Variants in DLGAP1 observed in about 807,000 individuals in gnomAD.
DLGAP1 encodes the protein DLG associated protein 1, also known as disks large-associated protein 1.
In DLGAP1, 11 loss-of-function variants were observed where a neutral mutation model predicts 90.8. The observed-to-expected ratio is 0.12, with a 90% CI of 0.08 to 0.20. DLGAP1 has a LOEUF of 0.20. DLGAP1 is among the 10% of genes least tolerant of loss of function. The pLI is 1.00. For missense variants in DLGAP1, 1,050 were observed against 1,333.8 expected (o/e 0.79, Z 3.31); for synonymous variants, 558 against 540.7 (o/e 1.03, Z -0.44).
At chr18:3,819,325 G>A (rs911454510) in intron 4 of DLGAP1, among the ~76,000 whole-genome samples, 1 of 152,022 alleles carries the variant, frequency 6.6e-6, no homozygotes, top group African/African-American at 2.4e-5. Context: ...CATTTTTTGT[G>A]TCACTAAGAA....
At chr18:3,935,030 A>G (rs933222096) in intron 3 of DLGAP1, among the ~76,000 whole-genome samples, 2 of 152,246 alleles carry the variant, frequency 1.3e-5, no homozygotes, top group Admixed American at 1.3e-4. Context: ...CTGGAACAAA[A>G]TCATCCGCCT....
chr18:4,107,988 C>T (rs955661800), intron 2 of DLGAP1, among the ~76,000 whole-genome samples: 1 of 152,142 alleles, frequency 6.6e-6, no homozygotes, highest in African/African-American at 2.4e-5. Flanking sequence ...CCTAGGCATA[C>T]TGAGTAACTT....
intron 1 of DLGAP1, among the ~76,000 whole-genome samples, chr18:4,176,447 A>G (rs1284054354): frequency 6.6e-6 from 1 of 152,204 alleles, no homozygotes; most frequent in African/African-American, 2.4e-5. Context: ...TTAATGGACC[A>G]ACCATTCATA....
intron 2 of DLGAP1, among the ~76,000 whole-genome samples, chr18:4,077,391 T>G (rs1348301394): frequency 6.6e-6 from 1 of 152,122 alleles, no homozygotes; most frequent in Non-Finnish European, 1.5e-5. Flanking sequence ...CCACCAAACC[T>G]CCTACTGAAA....
At chr18:3,985,319 T>G (rs2073820134) in intron 3 of DLGAP1, among the ~76,000 whole-genome samples, 1 of 152,172 alleles carries the variant, frequency 6.6e-6, no homozygotes, top group Non-Finnish European at 1.5e-5. Flanking sequence ...ACTCAAATGC[T>G]CCAGGCCTGG....
intron 1 of DLGAP1, among the ~76,000 whole-genome samples, chr18:4,195,420 T>C (rs1272799180): frequency 1.3e-5 from 2 of 152,230 alleles, no homozygotes; most frequent in African/African-American, 4.8e-5. Context: ...TGTCTGGTTC[T>C]AGTCAGCCCC....
At chr18:4,439,996 TG>T (rs1176494803) in intron 1 of DLGAP1, among the ~76,000 whole-genome samples, 1 of 150,468 alleles carries the variant, frequency 6.6e-6, no homozygotes, top group Non-Finnish European at 1.5e-5. Context: ...GGCAGGTGCC[TG>T]TTGTCTCAGC....
intron 1 of DLGAP1, among the ~76,000 whole-genome samples, chr18:4,299,822 A>G (rs1208395319): frequency 6.6e-6 from 1 of 152,184 alleles, no homozygotes; most frequent in African/African-American, 2.4e-5. Flanking sequence ...CTACAGTATG[A>G]TGTATAAAAG....
rs1422739816 is a variant in DLGAP1 at position 3,879,503 on chromosome 18, G to A, written c.566C>T (p.Ala189Val). ...GGTGCTGGGCCGGGCCTTGGGCTCC[G>A]CGCGCCGCTCCTTGCTCTTGCTGCG... ...GKRSKSKERR[A>V]EPKARPSTSP... is the part of the protein sequence containing the mutation. Residue 189 changes from alanine (A) to valine (V), a missense_variant, in exon 4 of 13, where the codon GCG becomes GTG. Ala to Val is a moderately conservative substitution (Grantham distance 64). This residue lies in a region of DLGAP1 where 485 missense variants were observed against 454.1 expected (regional missense o/e 1.07). Coordinates refer to ENST00000315677, the MANE Select transcript of DLGAP1 (RefSeq NM_004746.4). This position sits in a 1 kb window ranked among gnomAD's most constrained non-coding sequence, Gnocchi z 6.6. 1.1e-5 allele frequency: 18 copies of A among 1,603,392 alleles called. No individual in the cohort carries two copies. Among genetic ancestry groups the A allele is most frequent in the Non-Finnish European group, 1.4e-5 (17 of 1,179,680 alleles).
At chr18:4,024,585 C>T (rs996014250) in intron 2 of DLGAP1, among the ~76,000 whole-genome samples, 11 of 152,160 alleles carry the variant, frequency 7.2e-5, no homozygotes, top group Non-Finnish European at 1.0e-4. Context: ...AAGCAACTCA[C>T]GTGGCCACAT....
At chr18:3,745,370 G>A (rs1040252007) in intron 5 of DLGAP1, among the ~76,000 whole-genome samples, 9 of 152,266 alleles carry the variant, frequency 5.9e-5, no homozygotes, top group Middle Eastern at 3.4e-3. Flanking sequence ...CCACAAAACC[G>A]TTGTAAAAAA....
intron 3 of DLGAP1, among the ~76,000 whole-genome samples, chr18:3,931,298 G>A (rs1331391992): frequency 1.3e-5 from 2 of 152,156 alleles, no homozygotes; most frequent in Non-Finnish European, 2.9e-5. Context: ...CTTTGGCTCT[G>A]GCCCATTAGG....
chr18:3,780,976 A>G (rs2065163527), intron 5 of DLGAP1, among the ~76,000 whole-genome samples: 1 of 152,080 alleles, frequency 6.6e-6, no homozygotes. Context: ...TGCCCAGCTA[A>G]TTAAAAAAAA....
At chr18:4,411,771 A>C (rs1259065421) in intron 1 of DLGAP1, among the ~76,000 whole-genome samples, 2 of 152,166 alleles carry the variant, frequency 1.3e-5, no homozygotes, top group Non-Finnish European at 2.9e-5. Context: ...TAGAGCACCC[A>C]GTCCTCCTTC....
chr18:4,214,679 C>T (rs1158373671), intron 1 of DLGAP1, among the ~76,000 whole-genome samples: 1 of 152,130 alleles, frequency 6.6e-6, no homozygotes, highest in African/African-American at 2.4e-5. Flanking sequence ...AACATAATTG[C>T]AAACAGCAAT....
At chr18:4,444,565 T>A (rs2083615112) in intron 1 of DLGAP1, among the ~76,000 whole-genome samples, 1 of 152,194 alleles carries the variant, frequency 6.6e-6, no homozygotes, top group Non-Finnish European at 1.5e-5. Context: ...TCAGCTATTC[T>A]TAAACTTGTT....
intron 5 of DLGAP1, among the ~76,000 whole-genome samples, chr18:3,762,632 C>G (rs1281715125): frequency 6.6e-6 from 1 of 151,982 alleles, no homozygotes; most frequent in Non-Finnish European, 1.5e-5. Flanking sequence ...TCTTCTAATC[C>G]CTATTGTCAA....
intron 9 of DLGAP1, among the ~76,000 whole-genome samples, chr18:3,548,781 A>G (rs1294957132): frequency 1.3e-5 from 2 of 152,208 alleles, no homozygotes; most frequent in African/African-American, 4.8e-5. Flanking sequence ...TCAGGCCTGT[A>G]ATTCCAGCAC....
intron 1 of DLGAP1, among the ~76,000 whole-genome samples, chr18:4,432,686 T>G (rs2083315425): frequency 6.6e-6 from 1 of 151,822 alleles, no homozygotes; most frequent in Admixed American, 6.6e-5. Flanking sequence ...ATAGTCACAA[T>G]GCTGTACAAT....
Sources: gnomAD v4.1 joint callset for allele counts (sites outside exome capture counted in the v4.1 genomes callset) on GRCh38, gnomAD v4.1.1 for gene constraint, gnomAD v4.1.1 regional missense constraint, Gnocchi (gnomAD v3.1) non-coding constraint, MANE v1.5 for transcripts, NCBI Gene and HGNC (gene_info 2026-07-23, HGNC 2026-07-21) for gene names.